Variants in HERC1 observed in about 807,000 individuals in gnomAD.
The protein encoded by HERC1 is probable E3 ubiquitin-protein ligase HERC1.
A neutral mutation model predicts 554.3 loss-of-function variants in HERC1; 160 were observed. The ratio of observed to expected loss-of-function variants is 0.29; its 90% CI spans 0.25 to 0.33. The LOEUF is 0.33. HERC1 is among the 10% of genes least tolerant of loss of function. The pLI is 1.00. For synonymous variants in HERC1, 2,175 were observed against 2,131.7 expected (o/e 1.02, Z -0.56); for missense variants, 4,919 against 5,918.5 (o/e 0.83, Z 5.54).
chr15:63,721,313 C>A (rs1010624337), intron 19 of HERC1, among the ~76,000 whole-genome samples: 1 of 152,164 alleles, frequency 6.6e-6, no homozygotes, highest in African/African-American at 2.4e-5. Flanking sequence ...CACCTGAGGT[C>A]ACGAGTTCGA....
chr15:63,813,887 C>T (rs1472562815), intron 1 of HERC1, among the ~76,000 whole-genome samples: 2 of 152,068 alleles, frequency 1.3e-5, no homozygotes, highest in Middle Eastern at 3.4e-3. Context: ...GGTGAAACCC[C>T]GTCTCTACAA....
At chr15:63,783,604 T>C (rs1251642587) in intron 1 of HERC1, among the ~76,000 whole-genome samples, 1 of 152,182 alleles carries the variant, frequency 6.6e-6, no homozygotes, top group East Asian at 1.9e-4. Context: ...TTTCGCTTTA[T>C]TGCAGTGGTC....
At chr15:63,731,567 A>C (rs770291957) in intron 14 of HERC1, among the ~76,000 whole-genome samples, 17 of 152,216 alleles carry the variant, frequency 1.1e-4, no homozygotes, top group Non-Finnish European at 2.2e-4. Context: ...ACTCCTTAAC[A>C]TCAGATTAAA....
At chr15:63,698,633 A>T (rs1053801787) in intron 26 of HERC1, 95 bp downstream of exon 26, 1 of 1,228,682 alleles carries the variant, frequency 8.1e-7, no homozygotes. Context: ...GGCAAGGAAT[A>T]GAAGAAAAGG....
At chr15:63,772,736 C>T (rs1303849482) in intron 2 of HERC1, among the ~76,000 whole-genome samples, 2 of 152,090 alleles carry the variant, frequency 1.3e-5, no homozygotes, top group East Asian at 3.9e-4. Flanking sequence ...TCATTGCATC[C>T]CTGGGCAACT....
chr15:63,807,843 C>A (rs1453849622), intron 1 of HERC1, among the ~76,000 whole-genome samples: 1 of 152,110 alleles, frequency 6.6e-6, no homozygotes, highest in Non-Finnish European at 1.5e-5. Context: ...TTCCTTTCCA[C>A]TTATACTTCC....
chr15:63,736,788 G>A (rs1386149301), intron 12 of HERC1, among the ~76,000 whole-genome samples: 2 of 151,986 alleles, frequency 1.3e-5, no homozygotes, highest in African/African-American at 2.4e-5. Flanking sequence ...TGTATTTTTA[G>A]TAGAGATGGG....
chr15:63,682,772 G>A (rs892348037), intron 34 of HERC1, among the ~76,000 whole-genome samples: 2 of 151,902 alleles, frequency 1.3e-5, no homozygotes, highest in Non-Finnish European at 2.9e-5. Context: ...GATGTGAGAA[G>A]GGAGGAAGAA....
At chr15:63,626,832 A>C (rs71394522) in intron 70 of HERC1, among the ~76,000 whole-genome samples, 2 of 152,244 alleles carry the variant, frequency 1.3e-5, no homozygotes, top group Non-Finnish European at 2.9e-5. Context: ...TCGTAGTAAA[A>C]ACTAACATTT....
chr15:63,682,206 G>C (rs2071513483), intron 34 of HERC1, among the ~76,000 whole-genome samples: 1 of 152,164 alleles, frequency 6.6e-6, no homozygotes, highest in Non-Finnish European at 1.5e-5. Flanking sequence ...TCTGTTGTGA[G>C]GGGCAAAAGT....
chr15:63,744,612 G>A (rs978766041), intron 12 of HERC1, among the ~76,000 whole-genome samples: 10 of 151,916 alleles, frequency 6.6e-5, no homozygotes, highest in Non-Finnish European at 1.2e-4. Context: ...GAGGAGCCTC[G>A]CCCCATAGCT....
In HERC1 at chr15:63,616,765, G is replaced by A. The variant is rs556021815; in HGVS notation, c.13689-83C>T. The A allele has an allele frequency of 5.8e-5, 70 of 1,201,582 alleles. No homozygotes were observed. In the African/African-American group the frequency reaches 9.2e-4, roughly 16 times the overall value. The allele number at this position is 1,201,582 out of a possible 1,614,324, so 74.4% of individuals were successfully genotyped here. A position where few individuals can be genotyped will look rare whatever the true frequency, so the allele number is the denominator to read the frequency against. On this transcript the variant is annotated intron_variant, in intron 74 of 77. Transcript: ENST00000443617. ...GTTAGCAACAACAGCTATAGCGTTA[G>A]TCTATACCTGTACTGTTCAATATGG... is the stretch of plus-strand genomic sequence containing the variant.
intron 24 of HERC1, among the ~76,000 whole-genome samples, chr15:63,710,762 G>A (rs1299123437): frequency 6.6e-6 from 1 of 152,222 alleles, no homozygotes; most frequent in African/African-American, 2.4e-5. Flanking sequence ...AAGAAAGAGA[G>A]GGAGTTAGCC....
intron 1 of HERC1, among the ~76,000 whole-genome samples, chr15:63,829,491 TATATATATAC>T (rs373354422): frequency 0.28 from 31,564 of 114,452 alleles, 4,867 homozygotes; most frequent in Middle Eastern, 0.39. Context: ...TATATATATA[TATATATATAC>T]ACACACACAC....
At chr15:63,619,787 T>C (rs1053757941) in intron 74 of HERC1, among the ~76,000 whole-genome samples, 12 of 152,244 alleles carry the variant, frequency 7.9e-5, no homozygotes, top group Admixed American at 3.3e-4. Flanking sequence ...TGCATAGAGG[T>C]GTTTATAGTA....
At chr15:63,649,692 C>T (rs2069570121) in intron 54 of HERC1, 33 bp downstream of exon 54, 2 of 1,563,798 alleles carry the variant, frequency 1.3e-6, no homozygotes, top group Non-Finnish European at 8.8e-7. Flanking sequence ...AAGTTGGAGA[C>T]TCCGTCAGCT....
intron 1 of HERC1, among the ~76,000 whole-genome samples, chr15:63,786,830 A>G (rs1304389334): frequency 6.6e-6 from 1 of 152,248 alleles, no homozygotes; most frequent in Non-Finnish European, 1.5e-5. Flanking sequence ...CGGTAGTTGC[A>G]CAATACTGTG....
rs1241560413 is a variant in HERC1, at chr15:63,713,852, T to C, written c.4151-187A>G. 5 of 509,306 alleles carry C rather than the reference T, an allele frequency of 9.8e-6. No individual in the cohort carries two copies. In the East Asian group the frequency reaches 1.6e-4, roughly 16 times the overall value. The allele number at this position is 509,306 out of a possible 1,614,324, so 31.5% of individuals were successfully genotyped here. A position where few individuals can be genotyped will look rare whatever the true frequency, so the allele number is the denominator to read the frequency against. ...ACATTTAAAATATACTAAAATACTA[T>C]ATTTTCATAAAAATTACATTAGGAA... On this transcript the variant is annotated intron_variant, in intron 22 of 77. Coordinates refer to ENST00000443617, the MANE Select transcript of HERC1 (RefSeq NM_003922.4).
chr15:63,756,926 A>C lies in HERC1; in HGVS notation c.1222-178T>G, dbSNP rs910942126. Among the ~76,000 whole-genome samples the C allele has an allele frequency of 6.6e-6, 1 of 152,218 alleles. No individual in the cohort carries two copies. Among genetic ancestry groups the C allele is most frequent in the African/African-American group, 2.4e-5 (1 of 41,460 alleles). On this transcript the variant is annotated intron_variant, in intron 4 of 77. Transcript: ENST00000443617. The surrounding 1 kb of genome is among the most constrained non-coding windows in gnomAD (Gnocchi z 5.0). ...GAACACGAATGGCCTTTTCATGCTCACAACTTTGTTGCTGAGTTCAAATTC... is the reference window on the plus strand; with the variant it reads ...GAACACGAATGGCCTTTTCATGCTCCCAACTTTGTTGCTGAGTTCAAATTC...
Sources: allele counts gnomAD v4.1 joint callset (sites outside exome capture counted in the v4.1 genomes callset), GRCh38; gene constraint gnomAD v4.1.1; non-coding constraint Gnocchi (gnomAD v3.1); transcripts MANE v1.5; gene names NCBI Gene and HGNC (gene_info 2026-07-23, HGNC 2026-07-21).